The following WNT2 variants were observed in gnomAD, a reference collection of about 807,000 sequenced individuals.
WNT2 encodes the protein Wnt family member 2.
In WNT2, 12 loss-of-function variants were observed where a neutral mutation model predicts 36.9. The observed-to-expected ratio is 0.33, with a 90% CI of 0.21 to 0.53. The LOEUF is 0.53. Among genes scored for constraint, WNT2 ranks in the 20% least tolerant of loss-of-function variants. WNT2 has a pLI of 0.95. For synonymous variants in WNT2, 163 were observed against 174.6 expected (o/e 0.93, Z 0.52); for missense variants, 379 against 473.1 (o/e 0.80, Z 1.84).
At position 117,315,154 on chromosome 7, in the gene WNT2, G is replaced by A. The variant is rs149362965; in HGVS notation, c.505C>T (p.Arg169Cys). 31 of 1,614,010 alleles carry A rather than the reference G, an allele frequency of 1.9e-5. No homozygotes were observed. The highest frequency in any genetic ancestry group is 2.5e-5 in the Non-Finnish European group (29 of 1,180,022). ...CTTTCCTTTGCATCCACAAATGCGC[G>A]GGCAAATTTGATCCCATAGTCAATG... ...DNIDYGIKFA[R>C]AFVDAKERKG... Residue 169 changes from arginine to cysteine, a missense_variant, in exon 3 of 5, where the codon CGC (arginine) becomes TGC (cysteine). Coordinates refer to ENST00000265441, the MANE Select transcript of WNT2 (RefSeq NM_003391.3).
chr7:117,300,830 C>T (rs1794890953), intron 3 of WNT2: 1 of 152,180 alleles, frequency 6.6e-6, no homozygotes. Flanking sequence ...AAAAGAGTCA[C>T]ATAAGAAGAA....
At position 117,322,829 on chromosome 7, in the gene WNT2, G is replaced by C. The variant is rs1708665818; in HGVS notation, c.83+78C>G. The C allele has an allele frequency of 6.8e-7, 1 of 1,470,884 alleles. No individual in the cohort carries two copies. Among genetic ancestry groups the C allele is most frequent in the African/African-American group, 1.4e-5 (1 of 71,980 alleles). The allele number at this position is 1,470,884 out of a possible 1,614,324, so 91.1% of individuals were successfully genotyped here. Reference sequence around the variant, plus strand: ...ACTGCTGCGGCCGCGGGGGAACGCAGCCAGGAAGGGTCTATGTGGCCAATG... The same window carrying C: ...ACTGCTGCGGCCGCGGGGGAACGCACCCAGGAAGGGTCTATGTGGCCAATG... On this transcript the variant is annotated intron_variant, in intron 1 of 4. Transcript: ENST00000265441. This position sits in a 1 kb window ranked among gnomAD's most constrained non-coding sequence, Gnocchi z 5.4.
At chr7:117,319,037 A>T (rs1209948431) in intron 2 of WNT2, among the ~76,000 whole-genome samples, 4 of 152,216 alleles carry the variant, frequency 2.6e-5, no homozygotes, top group South Asian at 2.1e-4. Flanking sequence ...TGAGATGTAC[A>T]TCTAATTTGA....
chr7:117,294,110 G>C (rs1794742983), intron 4 of WNT2, among the ~76,000 whole-genome samples: 1 of 152,026 alleles, frequency 6.6e-6, no homozygotes, highest in East Asian at 1.9e-4. Flanking sequence ...TGTTACCCAG[G>C]CTGAGTTTGA....
intron 4 of WNT2, among the ~76,000 whole-genome samples, chr7:117,279,814 T>TA (rs1032256759): frequency 7.9e-5 from 12 of 152,008 alleles, no homozygotes; most frequent in Middle Eastern, 3.4e-3. Flanking sequence ...AACTCTTATT[T>TA]AAAAAACAAA....
chr7:117,308,349 T>C (rs948873645), intron 3 of WNT2, among the ~76,000 whole-genome samples: 1 of 152,194 alleles, frequency 6.6e-6, no homozygotes, highest in Admixed American at 6.5e-5. Context: ...TTCAAGAACA[T>C]TACCGTTGAC....
chr7:117,314,240 C>A (rs1795172885), intron 3 of WNT2, among the ~76,000 whole-genome samples: 1 of 152,226 alleles, frequency 6.6e-6, no homozygotes, highest in Admixed American at 6.5e-5. Context: ...GCATTAAATT[C>A]TCTAGTTATT....
At position 117,277,423 on chromosome 7, in the gene WNT2, G is replaced by A. The variant is rs1794399855; in HGVS notation, c.*732C>T. The stretch of plus-strand genomic sequence containing the variant: ...ATTCCCTAAAGATTTTTTATATCAA[G>A]GGGACAGTAATGCAAAGCAATCCCT... On this transcript the variant is annotated 3_prime_UTR_variant, in exon 5 of 5. Transcript: ENST00000265441. The A allele has an allele frequency of 1.3e-5, 2 of 152,170 alleles. No individual in the cohort carries two copies. The highest frequency in any genetic ancestry group is 4.1e-4 in the South Asian group (2 of 4,822). 9.4% of individuals were successfully genotyped at this position (152,170 alleles called of 1,614,324 possible). A position where few individuals can be genotyped will look rare whatever the true frequency, so the allele number is the denominator to read the frequency against.
At chr7:117,298,754 G>T (rs564600429) in intron 3 of WNT2, among the ~76,000 whole-genome samples, 45 of 152,254 alleles carry the variant, frequency 3.0e-4, no homozygotes, top group African/African-American at 1.0e-3. Context: ...GAGTTATCCT[G>T]CCCTGGCCCA....
intron 4 of WNT2, among the ~76,000 whole-genome samples, chr7:117,282,434 GGAA>G (rs1794506374): frequency 1.3e-5 from 2 of 150,412 alleles, no homozygotes; most frequent in African/African-American, 4.9e-5. Flanking sequence ...GAAGAGAAGA[GGAA>G]GAGGAGAAAG....
chr7:117,301,201 C>T (rs1013068188), intron 3 of WNT2, among the ~76,000 whole-genome samples: 3 of 152,148 alleles, frequency 2.0e-5, no homozygotes, highest in Admixed American at 6.5e-5. Context: ...GGCTTGCTCA[C>T]GTCTCCAGCA....
At chr7:117,286,203 G>A (rs944874025) in intron 4 of WNT2, among the ~76,000 whole-genome samples, 5 of 152,156 alleles carry the variant, frequency 3.3e-5, no homozygotes, top group Non-Finnish European at 7.4e-5. Flanking sequence ...GAGCAATGCC[G>A]AGGGAACTTG....
At chr7:117,296,832 C>T (rs1262102420) in intron 4 of WNT2, among the ~76,000 whole-genome samples, 1 of 152,206 alleles carries the variant, frequency 6.6e-6, no homozygotes, top group Non-Finnish European at 1.5e-5. Flanking sequence ...GCCTCTGACA[C>T]AGCCTTTATT....
At chr7:117,289,979 G>A (rs1408027720) in intron 4 of WNT2, among the ~76,000 whole-genome samples, 1 of 152,152 alleles carries the variant, frequency 6.6e-6, no homozygotes, top group Admixed American at 6.5e-5. Context: ...ATGGAAGTGG[G>A]TGGCAGGCAG....
At chr7:117,291,535 C>T (rs746266168) in intron 4 of WNT2, among the ~76,000 whole-genome samples, 1 of 152,114 alleles carries the variant, frequency 6.6e-6, no homozygotes, top group African/African-American at 2.4e-5. Context: ...ATAGAGCCAC[C>T]AGGATACTCA....
chr7:117,321,475 G>T (rs1303001495), intron 1 of WNT2, among the ~76,000 whole-genome samples: 1 of 152,110 alleles, frequency 6.6e-6, no homozygotes, highest in Non-Finnish European at 1.5e-5. Flanking sequence ...ACTCCATAAA[G>T]TACTTTTTGA....
chr7:117,292,471 C>CAT (rs1267198539), intron 4 of WNT2, among the ~76,000 whole-genome samples: 1 of 152,154 alleles, frequency 6.6e-6, no homozygotes, highest in Non-Finnish European at 1.5e-5. Flanking sequence ...AGAGTCAGAG[C>CAT]ATATGTACAT....
chr7:117,278,101 C>A lies in WNT2; in HGVS notation c.*54G>T. ...AGAACCCAAAGGTCCAGTGTTCTTG[C>A]AGATCCAATGGAGTCCTTGTAGAAG... On this transcript the variant is annotated 3_prime_UTR_variant, in exon 5 of 5. Transcript: ENST00000265441. 6.3e-7 allele frequency: 1 copy of A among 1,582,832 alleles called. No homozygotes were observed. Among genetic ancestry groups the A allele is most frequent in the Admixed American group, 1.7e-5 (1 of 59,586 alleles).
At chr7:117,291,230 GT>G (rs1166609566) in intron 4 of WNT2, among the ~76,000 whole-genome samples, 1 of 152,182 alleles carries the variant, frequency 6.6e-6, no homozygotes, top group Non-Finnish European at 1.5e-5. Context: ...AGGCTTTTGG[GT>G]TTTTCGCAGG....
Sources: gnomAD v4.1 joint callset for allele counts (sites outside exome capture counted in the v4.1 genomes callset) on GRCh38, gnomAD v4.1.1 for gene constraint, Gnocchi (gnomAD v3.1) non-coding constraint, MANE v1.5 for transcripts, NCBI Gene and HGNC (gene_info 2026-07-23, HGNC 2026-07-21) for gene names.